The following NCOA1 variants were observed in gnomAD, a reference collection of about 807,000 sequenced individuals.
NCOA1 encodes Hin-2 protein.
In NCOA1, 35 loss-of-function variants were observed where a neutral mutation model predicts 150.9. The ratio of observed to expected loss-of-function variants is 0.23; its 90% CI spans 0.18 to 0.31. NCOA1 has a LOEUF of 0.31. NCOA1 is among the 10% of genes least tolerant of loss of function. The pLI is 1.00. For synonymous variants in NCOA1, 590 were observed against 630.0 expected, an observed-to-expected ratio of 0.94 and a Z score of 0.95; for missense variants, 1,491 against 1,749.3, an observed-to-expected ratio of 0.85 and a Z score of 2.63.
chr2:24,499,247 T>C (rs1663354975), intron 1 of NCOA1, among the ~76,000 whole-genome samples: 1 of 152,220 alleles, frequency 6.6e-6, no homozygotes, highest in Admixed American at 6.5e-5. Context: ...CTATTTAATA[T>C]GTGGCAGTTC....
intron 8 of NCOA1, among the ~76,000 whole-genome samples, chr2:24,689,452 A>G (rs1672561156): frequency 6.6e-6 from 1 of 151,720 alleles, no homozygotes; most frequent in Non-Finnish European, 1.5e-5. Flanking sequence ...TCTGTCACCC[A>G]GGCTGGAGTG....
At position 24,711,091 on chromosome 2, in the gene NCOA1, G is replaced by C. The variant is rs747662092; in HGVS notation, c.2579G>C (p.Arg860Thr). Residue 860 changes from arginine to threonine, a missense_variant, in exon 14 of 23, where the codon AGA becomes ACA. Physicochemically the swap from Arg to Thr is moderately conservative, Grantham distance 71. Around this residue, in one of 8 missense-constraint regions of NCOA1, gnomAD observed 703 missense variants for 717.7 expected, o/e 0.98. Coordinates refer to ENST00000348332, the MANE Select transcript of NCOA1 (RefSeq NM_003743.5). ...GCTTCACTTCAGTCCGCCACTGCCA[G>C]ACCCACTTCCAGGCTAAATAGTATG... ...LPASLQSATA[R>T]PTSRLNRLPE... 2 of 1,613,842 alleles carry C rather than the reference G, an allele frequency of 1.2e-6. No individual in the cohort carries two copies. Among genetic ancestry groups the C allele is most frequent in the Non-Finnish European group, 1.7e-6 (2 of 1,179,916 alleles).
chr2:24,665,556 C>T (rs761510470), intron 5 of NCOA1, among the ~76,000 whole-genome samples, 193 bp from the exon 6 acceptor site: 19 of 151,998 alleles, frequency 1.3e-4, no homozygotes, highest in Non-Finnish European at 2.4e-4. Context: ...ATATTTTAGC[C>T]AGAATTGTTT....
intron 1 of NCOA1, among the ~76,000 whole-genome samples, chr2:24,521,321 A>G (rs1319063103): frequency 6.6e-6 from 1 of 152,180 alleles, no homozygotes; most frequent in Non-Finnish European, 1.5e-5. Context: ...TGTAAAATAG[A>G]GCTCCAGAAT....
intron 1 of NCOA1, among the ~76,000 whole-genome samples, chr2:24,507,853 A>G (rs1663773323): frequency 6.6e-6 from 1 of 152,096 alleles, no homozygotes; most frequent in Non-Finnish European, 1.5e-5. Context: ...CTCTGACTTT[A>G]TCTTATTTTC....
intron 1 of NCOA1, among the ~76,000 whole-genome samples, chr2:24,533,044 G>T (rs1664965844): frequency 6.6e-6 from 1 of 152,206 alleles, no homozygotes; most frequent in Admixed American, 6.5e-5. Flanking sequence ...ACCTTAGGCA[G>T]TATGGCCATT....
intron 1 of NCOA1, among the ~76,000 whole-genome samples, chr2:24,550,500 C>T (rs1043723862): frequency 6.6e-6 from 1 of 152,152 alleles, no homozygotes; most frequent in African/African-American, 2.4e-5. Context: ...CTTATGAAAC[C>T]ATCAGATCTC....
intron 3 of NCOA1, among the ~76,000 whole-genome samples, chr2:24,630,820 AC>A (rs920909196): frequency 3.3e-5 from 5 of 152,194 alleles, no homozygotes; most frequent in East Asian, 1.9e-4. Flanking sequence ...AGATAAAAAA[AC>A]AAGTAAATAT....
intron 17 of NCOA1, among the ~76,000 whole-genome samples, chr2:24,735,527 A>AAT (rs958439229): frequency 5.3e-5 from 8 of 151,906 alleles, no homozygotes; most frequent in East Asian, 3.9e-4. Flanking sequence ...ATGTTGAAAA[A>AAT]ATATATATAT....
intron 12 of NCOA1, among the ~76,000 whole-genome samples, 157 bp from the exon 13 acceptor site, chr2:24,706,411 G>A (rs1012793880): frequency 5.3e-5 from 8 of 151,896 alleles, no homozygotes; most frequent in Admixed American, 1.3e-4. Context: ...CTTAATTTAA[G>A]AAACTTTTTT....
chr2:24,545,143 G>C (rs142124557), intron 1 of NCOA1, among the ~76,000 whole-genome samples: 1 of 152,170 alleles, frequency 6.6e-6, no homozygotes, highest in Admixed American at 6.5e-5. Context: ...CCCAGCATCA[G>C]ATCTTGGTTT....
chr2:24,677,671 C>G (rs562115193), intron 7 of NCOA1, among the ~76,000 whole-genome samples: 2 of 152,082 alleles, frequency 1.3e-5, no homozygotes, highest in African/African-American at 4.8e-5. Context: ...TGATCCACCC[C>G]GGTTGGCCTC....
intron 5 of NCOA1, among the ~76,000 whole-genome samples, chr2:24,664,568 C>T (rs948862410): frequency 6.6e-6 from 1 of 151,980 alleles, no homozygotes; most frequent in African/African-American, 2.4e-5. Flanking sequence ...ATTAGCCAGG[C>T]ATGGTGGCGT....
At chr2:24,519,652 C>CAAA (rs1014874055) in intron 1 of NCOA1, among the ~76,000 whole-genome samples, 2 of 72,304 alleles carry the variant, frequency 2.8e-5, no homozygotes, top group African/African-American at 5.6e-5. Flanking sequence ...CCTGTCTCTA[C>CAAA]AAAAAAAAAA....
intron 17 of NCOA1, among the ~76,000 whole-genome samples, chr2:24,738,912 TAATGA>T (rs1450157382): frequency 6.6e-6 from 1 of 152,262 alleles, no homozygotes. Context: ...ACTGTCTAGC[TAATGA>T]AATCATACTG....
At chr2:24,587,051 A>G (rs554431052) in intron 3 of NCOA1, among the ~76,000 whole-genome samples, 5 of 151,882 alleles carry the variant, frequency 3.3e-5, no homozygotes, top group African/African-American at 1.2e-4. Context: ...GTGCTGCCTC[A>G]GTAGTGCAGC....
At chr2:24,641,998 T>G (rs1410613210) in intron 3 of NCOA1, among the ~76,000 whole-genome samples, 1 of 120,414 alleles carries the variant, frequency 8.3e-6, no homozygotes, top group Non-Finnish European at 1.7e-5. Flanking sequence ...GCCAGCAGAT[T>G]ACAGAGGGCG....
intron 1 of NCOA1, among the ~76,000 whole-genome samples, chr2:24,552,321 T>TTTTATATATATATATATATATA (rs1262879918): frequency 3.3e-5 from 1 of 30,584 alleles, no homozygotes; most frequent in African/African-American, 1.6e-4. Flanking sequence ...TTCATATATA[T>TTTTATATATATATATATATATA]TATATATATA....
chr2:24,650,818 A>G lies in NCOA1; in HGVS notation c.-18+6696A>G, dbSNP rs890178391. On this transcript the variant is annotated intron_variant, in intron 4 of 22. Coordinates refer to ENST00000348332, the MANE Select transcript of NCOA1 (RefSeq NM_003743.5). ...GTTACAAGTTGAGTATCCCTTATCA[A>G]AAATGTTTGGGGGACCAGGATTGTT... is the stretch of plus-strand genomic sequence containing the variant. Among the ~76,000 whole-genome samples, 7 of 152,290 alleles carry G rather than the reference A, an allele frequency of 4.6e-5. No homozygotes were observed. The East Asian group carries it at 7.7e-4, about 17-fold the overall frequency.
Sources: gnomAD v4.1 joint callset for allele counts (sites outside exome capture counted in the v4.1 genomes callset) on GRCh38, gnomAD v4.1.1 for gene constraint, gnomAD v4.1.1 regional missense constraint, MANE v1.5 for transcripts, NCBI Gene and HGNC (gene_info 2026-07-23, HGNC 2026-07-21) for gene names.